Variants in GUCD1 observed in about 807,000 individuals in gnomAD.
GUCD1 encodes guanylyl cyclase domain containing 1.
A neutral mutation model predicts 28.3 loss-of-function variants in GUCD1; 17 were observed. The observed-to-expected ratio is 0.60, with a 90% CI of 0.41 to 0.90. The LOEUF is 0.90. GUCD1 is among the 40% of genes least tolerant of loss of function. The probability of loss-of-function intolerance (pLI) is 0.00; values close to 1 mark genes in which losing one functional copy is unlikely to be tolerated. For synonymous variants in GUCD1, 129 were observed against 123.3 expected (o/e 1.05, Z -0.30); for missense variants, 279 against 305.5 (o/e 0.91, Z 0.65).
Position 24,543,898 on chromosome 22 carries a change from C to A in GUCD1, c.572G>T (p.Arg191Leu). Residue 191 changes from arginine (R) to leucine (L), a missense_variant, in exon 5 of 6, where the codon CGT becomes CTT. Physicochemically the swap from Arg to Leu is moderately radical, Grantham distance 102. Coordinates refer to ENST00000435822, the MANE Select transcript of GUCD1 (RefSeq NM_001284254.2). ...GCAGCCAGTGGCCCGGTTGTAGCCA[C>A]GCAGCACGATGAAGTGGCCCTGGTA... ...PDYQGHFIVLRGYNRATGCIF... is the reference protein window; with the variant it reads ...PDYQGHFIVLLGYNRATGCIF... 1 of 1,614,038 alleles carries A rather than the reference C, an allele frequency of 6.2e-7. No individual in the cohort carries two copies. The highest frequency in any genetic ancestry group is 1.1e-5 in the South Asian group (1 of 91,082).
chr22:24,544,284 T>C (rs1243842004), intron 4 of GUCD1, among the ~76,000 whole-genome samples: 1 of 151,846 alleles, frequency 6.6e-6, no homozygotes, highest in African/African-American at 2.4e-5. Context: ...GGTGTGTGTG[T>C]GTGTCTGAAT....
In GUCD1 at chr22:24,543,858, G is replaced by A; in HGVS notation, c.612C>T (p.Asn204=). ...NRATGCIFYN[N]PAYADRMCST... is the part of the protein sequence containing the mutation. ...AGCACTCACGGTCGGCATAGGCTGG[G>A]TTGTTGTAGAAGATGCAGCCAGTGG... The change falls in exon 5 of 6, where the codon AAC becomes AAT. Residue 204 remains asparagine (N), a synonymous_variant. Coordinates refer to ENST00000435822, the MANE Select transcript of GUCD1 (RefSeq NM_001284254.2). The A allele has an allele frequency of 6.2e-7, 1 of 1,614,060 alleles. No individual in the cohort carries two copies. The highest frequency in any genetic ancestry group is 8.5e-7 in the Non-Finnish European group (1 of 1,179,972).
chr22:24,555,868 A>T, upstream of GUCD1: 2 of 1,525,132 alleles, frequency 1.3e-6, no homozygotes, highest in African/African-American at 2.7e-5. Context: ...CTGGTGCCCT[A>T]GTTTCCCAGC....
At chr22:24,548,774 T>C (rs1218116007) in intron 2 of GUCD1, 143 bp downstream of exon 2, 2 of 613,202 alleles carry the variant, frequency 3.3e-6, no homozygotes, top group South Asian at 1.9e-5. Flanking sequence ...CAGATGGGAC[T>C]AGGACCAGGT....
upstream of GUCD1, chr22:24,555,382 A>G: frequency 3.1e-6 from 4 of 1,301,226 alleles, no homozygotes; most frequent in Non-Finnish European, 3.0e-6. Flanking sequence ...CCCGCCCCAA[A>G]GCTCGTGCAT....
At position 24,555,074 on chromosome 22, in the gene GUCD1, G is replaced by C. The variant is rs2045007744; in HGVS notation, c.-83C>G. 10 of 1,335,666 alleles carry C rather than the reference G, an allele frequency of 7.5e-6. No homozygotes were observed. The highest frequency in any genetic ancestry group is 9.6e-6 in the Non-Finnish European group (10 of 1,039,426). 82.7% of individuals were successfully genotyped at this position (1,335,666 alleles called of 1,614,324 possible). A position where few individuals can be genotyped will look rare whatever the true frequency, so the allele number is the denominator to read the frequency against. ...TTCGGCTGGGGCGGGAGGGCGGTCG[G>C]TGCGTGTCGAGTTCCTTCTCCGCCA... On this transcript the variant is annotated 5_prime_UTR_variant, in exon 1 of 6. Coordinates refer to ENST00000435822, the MANE Select transcript of GUCD1 (RefSeq NM_001284254.2).
chr22:24,542,922 C>G lies in GUCD1; in HGVS notation c.*84G>C. ...GTTCCACATTCCAACCCCAGCAGCC[C>G]CAAGCCTGGGCCAGGGCATCCTGAG... On this transcript the variant is annotated 3_prime_UTR_variant, in exon 6 of 6. Transcript: ENST00000435822. 1 of 982,670 alleles carries G rather than the reference C, an allele frequency of 1.0e-6. No individual in the cohort carries two copies. 60.9% of individuals were successfully genotyped at this position (982,670 alleles called of 1,614,324 possible).
intron 1 of GUCD1, among the ~76,000 whole-genome samples, chr22:24,549,413 T>C (rs1601546755): frequency 6.6e-6 from 1 of 152,164 alleles, no homozygotes; most frequent in African/African-American, 2.4e-5. Flanking sequence ...ACTTCTCCAG[T>C]ATTGCCCCTC....
rs1601531776 is a variant in GUCD1 at position 24,542,938 on chromosome 22, G to A, written c.*68C>T. The A allele has an allele frequency of 8.9e-7, 1 of 1,117,546 alleles. No homozygotes were observed. Among genetic ancestry groups the A allele is most frequent in the East Asian group, 2.4e-5 (1 of 42,460 alleles). The allele number at this position is 1,117,546 out of a possible 1,614,324, so 69.2% of individuals were successfully genotyped here. On this transcript the variant is annotated 3_prime_UTR_variant, in exon 6 of 6. Transcript: ENST00000435822. ...CCAGCAGCCCCAAGCCTGGGCCAGG[G>A]CATCCTGAGCGGGCCCGGCTGGGGT...
chr22:24,547,639 C>T, intron 3 of GUCD1: 2 of 438,342 alleles, frequency 4.6e-6, no homozygotes, highest in Non-Finnish European at 8.4e-6. Flanking sequence ...GTGGCCTCTG[C>T]ACATTCTGAG....
At chr22:24,554,265 G>A (rs1173160076) in intron 1 of GUCD1, among the ~76,000 whole-genome samples, 2 of 152,182 alleles carry the variant, frequency 1.3e-5, no homozygotes, top group Admixed American at 6.5e-5. Context: ...AACTGGAGGA[G>A]GAGGGTTGTA....
chr22:24,544,161 G>A (rs2044667116), intron 4 of GUCD1, 78 bp from the exon 5 acceptor site: 3 of 1,545,632 alleles, frequency 1.9e-6, no homozygotes, highest in African/African-American at 1.4e-5. Flanking sequence ...GCTTGTGCCT[G>A]TTTCTCTGTT....
At chr22:24,544,178 C>CT (rs2044667653) in intron 4 of GUCD1, 95 bp from the exon 5 acceptor site, 1 of 1,515,772 alleles carries the variant, frequency 6.6e-7, no homozygotes, top group Non-Finnish European at 8.9e-7. Context: ...TGTTACAAAG[C>CT]TTGGGGATCG....
chr22:24,544,783 G>A (rs752635781), intron 4 of GUCD1, among the ~76,000 whole-genome samples: 9 of 152,162 alleles, frequency 5.9e-5, no homozygotes, highest in Non-Finnish European at 1.2e-4. Context: ...AGGCCAAAGC[G>A]GAAGGATCGC....
chr22:24,545,271 G>C (rs1449227515), intron 4 of GUCD1, among the ~76,000 whole-genome samples: 4 of 152,090 alleles, frequency 2.6e-5, no homozygotes, highest in African/African-American at 9.7e-5. Flanking sequence ...TTTCCATTTG[G>C]TCTTTGAAAC....
upstream of GUCD1, chr22:24,555,416 T>C (rs1569021264): frequency 1.7e-6 from 2 of 1,205,602 alleles, no homozygotes; most frequent in Non-Finnish European, 1.1e-6. Context: ...GCTCGTCCCT[T>C]CGGCAAGCCC....
At chr22:24,555,336 A>T, upstream of GUCD1, 1 of 1,387,770 alleles carries the variant, frequency 7.2e-7, no homozygotes, top group Non-Finnish European at 9.4e-7. Flanking sequence ...GCTCACCAGG[A>T]CGCGGGCCCC....
chr22:24,543,488 C>T (rs2044645054), intron 5 of GUCD1, among the ~76,000 whole-genome samples: 1 of 152,090 alleles, frequency 6.6e-6, no homozygotes, highest in Non-Finnish European at 1.5e-5. Flanking sequence ...CTGGGTCTGG[C>T]CGGGCTTTTC....
chr22:24,547,785 G>T (rs535502830), intron 3 of GUCD1, 123 bp downstream of exon 3: 13 of 998,354 alleles, frequency 1.3e-5, no homozygotes, highest in Non-Finnish European at 1.9e-5. Flanking sequence ...CCTGGTCTCT[G>T]CACACCTGGG....
Sources: allele counts gnomAD v4.1 joint callset (sites outside exome capture counted in the v4.1 genomes callset), GRCh38; gene constraint gnomAD v4.1.1; transcripts MANE v1.5; gene names NCBI Gene and HGNC (gene_info 2026-07-23, HGNC 2026-07-21).